Variants in UIMC1 observed in about 807,000 individuals in gnomAD.
The protein encoded by UIMC1 is BRCA1-A complex subunit RAP80.
A neutral mutation model predicts 84.9 loss-of-function variants in UIMC1; 42 were observed. That is an observed-to-expected ratio of 0.49 (90% CI 0.39 to 0.64). UIMC1 has a LOEUF of 0.64. UIMC1 is among the 30% of genes least tolerant of loss of function. The probability of loss-of-function intolerance (pLI) is 0.00; values close to 1 mark genes in which losing one functional copy is unlikely to be tolerated. For synonymous variants in UIMC1, 281 were observed against 293.0 expected (o/e 0.96, Z 0.42); for missense variants, 825 against 847.6 (o/e 0.97, Z 0.33).
At chr5:176,992,894 A>G (rs1468799855) in intron 1 of UIMC1, among the ~76,000 whole-genome samples, 3 of 152,170 alleles carry the variant, frequency 2.0e-5, no homozygotes, top group Non-Finnish European at 4.4e-5. Context: ...GAATATACAA[A>G]CAATTATTGG....
chr5:176,983,599 G>A (rs1242249147), intron 1 of UIMC1, among the ~76,000 whole-genome samples: 2 of 151,996 alleles, frequency 1.3e-5, no homozygotes, highest in African/African-American at 4.8e-5. Context: ...CCACCTCCCA[G>A]CCGCCTGCCT....
rs1372766734 is a variant in UIMC1 at position 176,970,869 on chromosome 5, G to A, written c.233-3C>T. 1 of 1,613,382 alleles carries A rather than the reference G, an allele frequency of 6.2e-7. No homozygotes were observed. Among genetic ancestry groups the A allele is most frequent in the South Asian group, 1.1e-5 (1 of 91,070 alleles). On this transcript the variant is annotated splice_region_variant and splice_polypyrimidine_tract_variant and intron_variant, in intron 3 of 14. Transcript: ENST00000511320. Reference sequence around the variant, plus strand: ...AAACTGTTCTTCTTCTGTCATCTCTGTAAGAGGATAGGGAAAAGAGAAGGA... The same window carrying A: ...AAACTGTTCTTCTTCTGTCATCTCTATAAGAGGATAGGGAAAAGAGAAGGA...
chr5:176,953,264 C>G, intron 8 of UIMC1, among the ~76,000 whole-genome samples: 1 of 152,084 alleles, frequency 6.6e-6, no homozygotes, highest in Non-Finnish European at 1.5e-5. Context: ...AAACTAAAAC[C>G]AGACATTTAT....
At position 176,923,898 on chromosome 5, in the gene UIMC1, CAG is replaced by C. The variant is rs756686245; in HGVS notation, c.1598-12511_1598-12510del. ...AAATATATATATATATACACACACA[CAG>C]ACACACACACACACACACACACACA... On this transcript the variant is annotated intron_variant, in intron 10 of 14. Coordinates refer to ENST00000511320, the MANE Select transcript of UIMC1 (RefSeq NM_001199298.2). 1.3e-3 allele frequency among the ~76,000 whole-genome samples: 163 copies of C among 126,658 alleles called. 2 individuals carry two copies. The highest frequency in any genetic ancestry group is 2.4e-3 in the South Asian group (10 of 4,224). The allele number at this position is 126,658 out of a possible 152,430, so 83.1% of individuals were successfully genotyped here.
At position 176,958,097 on chromosome 5, in the gene UIMC1, G is replaced by C; in HGVS notation, c.1258C>G (p.Gln420Glu). 3 of 1,613,592 alleles carry C rather than the reference G, an allele frequency of 1.9e-6. No homozygotes were observed. Among genetic ancestry groups the C allele is most frequent in the Non-Finnish European group, 2.5e-6 (3 of 1,179,634 alleles). ...SEEGNSVPASQSVAALTSKRS... is the reference protein window; with the variant it reads ...SEEGNSVPASESVAALTSKRS... ...TAGCAACATATAATCTCTCACCTTT[G>C]TGAAGCAGGTACAGAGTTTCCCTCT... The change falls in exon 7 of 15, where the codon CAA becomes GAA. Residue 420 changes from glutamine (Q) to glutamate (E), a missense_variant. Transcript: ENST00000511320.
intron 10 of UIMC1, among the ~76,000 whole-genome samples, chr5:176,935,134 T>C (rs1189581893): frequency 1.3e-5 from 2 of 152,152 alleles, no homozygotes; most frequent in Non-Finnish European, 2.9e-5. Context: ...AAAATGCTGT[T>C]CCATAATGTA....
rs1759202935 is a variant in UIMC1 at position 176,905,305 on chromosome 5, T to C, written c.2137A>G (p.Arg713Gly). The change falls in exon 15 of 15, where the codon AGA becomes GGA. Residue 713 changes from arginine (R) to glycine (G), a missense_variant. Physicochemically the swap from Arg to Gly is moderately radical, Grantham distance 125. Coordinates refer to ENST00000511320, the MANE Select transcript of UIMC1 (RefSeq NM_001199298.2). ...PGSRTRTKAG[R>G]GRRRKF ...ATTCAGAATTTTCTCCTTCTTCCTCTGCCAGCTTTGGTCCGTGTCCGACTA... is the reference window on the plus strand; with the variant it reads ...ATTCAGAATTTTCTCCTTCTTCCTCCGCCAGCTTTGGTCCGTGTCCGACTA... The C allele has an allele frequency of 3.1e-6, 5 of 1,614,062 alleles. No homozygotes were observed. The highest frequency in any genetic ancestry group is 4.2e-6 in the Non-Finnish European group (5 of 1,179,924).
chr5:177,018,503 T>C (rs1205137292), intron 1 of UIMC1, among the ~76,000 whole-genome samples: 1 of 152,160 alleles, frequency 6.6e-6, no homozygotes. Flanking sequence ...AGTAGCCAGT[T>C]CCCGTCCCTT....
At chr5:176,909,212 A>G (rs1001830426) in intron 11 of UIMC1, among the ~76,000 whole-genome samples, 9 of 152,238 alleles carry the variant, frequency 5.9e-5, no homozygotes, top group Non-Finnish European at 4.4e-5. Context: ...ACTAAAAGCC[A>G]TGTGGTTCTG....
At chr5:176,975,872 GAAAGGA>G (rs964447356) in intron 2 of UIMC1, among the ~76,000 whole-genome samples, 1 of 151,944 alleles carries the variant, frequency 6.6e-6, no homozygotes, top group Non-Finnish European at 1.5e-5. Context: ...GATAGTAAAG[GAAAGGA>G]AAAAGAGGGT....
At chr5:176,943,570 T>A in intron 9 of UIMC1, 82 bp from the exon 10 acceptor site, 3 of 1,498,034 alleles carry the variant, frequency 2.0e-6, no homozygotes, top group Non-Finnish European at 1.8e-6. Flanking sequence ...CTCCACCCCA[T>A]ATTTCACTTA....
chr5:176,972,743 T>G (rs1343382675), intron 3 of UIMC1, among the ~76,000 whole-genome samples: 1 of 151,440 alleles, frequency 6.6e-6, no homozygotes, highest in Non-Finnish European at 1.5e-5. Flanking sequence ...CTCAAAAAAT[T>G]AAAAAATTAA....
intron 10 of UIMC1, among the ~76,000 whole-genome samples, chr5:176,915,987 T>C (rs1760938077): frequency 6.6e-6 from 1 of 152,132 alleles, no homozygotes; most frequent in African/African-American, 2.4e-5. Flanking sequence ...AGACTTGATA[T>C]TGATAGATGG....
At chr5:176,925,044 AAAAG>A (rs1284478121) in intron 10 of UIMC1, among the ~76,000 whole-genome samples, 2 of 152,122 alleles carry the variant, frequency 1.3e-5, no homozygotes, top group South Asian at 4.1e-4. Flanking sequence ...AAAAAAAAAA[AAAAG>A]AAAGCAAAAG....
intron 8 of UIMC1, among the ~76,000 whole-genome samples, chr5:176,953,295 AGTTCTCT>A (rs759517495): frequency 1.2e-4 from 19 of 152,196 alleles, no homozygotes; most frequent in Non-Finnish European, 2.4e-4. Context: ...AAATCCAGTA[AGTTCTCT>A]GTTATCTGAC....
In UIMC1 at chr5:176,969,084, G is replaced by C. The variant is rs200789444; in HGVS notation, c.671C>G (p.Ser224Trp). Residue 224 changes from serine (S) to tryptophan (W), a missense_variant, in exon 6 of 15, where the codon TCG becomes TGG. Transcript: ENST00000511320. ...CTTCCCACACTGTGTGTGCTCAGCCGAGTGGCCAGTACATCTGTCAAAAGA... is the reference window on the plus strand; with the variant it reads ...CTTCCCACACTGTGTGTGCTCAGCCCAGTGGCCAGTACATCTGTCAAAAGA... ...VKSFDRCTGHSAEHTQCGKPQ... is the reference protein window; with the variant it reads ...VKSFDRCTGHWAEHTQCGKPQ... 5 of 1,613,992 alleles carry C rather than the reference G, an allele frequency of 3.1e-6. No individual in the cohort carries two copies. The Admixed American group carries it at 6.7e-5, about 22-fold the overall frequency.
intron 10 of UIMC1, among the ~76,000 whole-genome samples, chr5:176,917,712 C>T (rs1761189516): frequency 1.3e-5 from 2 of 152,250 alleles, no homozygotes; most frequent in Non-Finnish European, 2.9e-5. Context: ...ATAATCCCAG[C>T]GCTTCGGGAG....
intron 6 of UIMC1, among the ~76,000 whole-genome samples, chr5:176,960,609 C>G: frequency 3.8e-5 from 1 of 26,144 alleles, no homozygotes; most frequent in South Asian, 1.1e-3. Context: ...CCCTCTCTCC[C>G]TCTCCCCCTC....
At chr5:176,954,780 G>T (rs1766383779) in intron 8 of UIMC1, among the ~76,000 whole-genome samples, 1 of 149,458 alleles carries the variant, frequency 6.7e-6, no homozygotes, top group Admixed American at 6.7e-5. Flanking sequence ...AGCCAACATA[G>T]TCCGATTTTT....
Sources: gnomAD v4.1 joint callset for allele counts (sites outside exome capture counted in the v4.1 genomes callset) on GRCh38, gnomAD v4.1.1 for gene constraint, MANE v1.5 for transcripts, NCBI Gene and HGNC (gene_info 2026-07-23, HGNC 2026-07-21) for gene names.